The following ZNF280D variants were observed in gnomAD, a reference collection of about 807,000 sequenced individuals.
The protein encoded by ZNF280D is zinc finger protein 280D.
ZNF280D carries 39 observed loss-of-function variants against 94.7 expected under a neutral mutation model. The ratio of observed to expected loss-of-function variants is 0.41; its 90% CI spans 0.32 to 0.54. The LOEUF is 0.54. Among genes scored for constraint, ZNF280D ranks in the 20% least tolerant of loss-of-function variants. ZNF280D has a pLI of 0.22. For synonymous variants in ZNF280D, 398 were observed against 377.6 expected (o/e 1.05, Z -0.63); for missense variants, 1,090 against 1,149.3 (o/e 0.95, Z 0.75).
intron 20 of ZNF280D, among the ~76,000 whole-genome samples, chr15:56,638,419 G>C (rs568203205): frequency 1.3e-5 from 2 of 152,284 alleles, no homozygotes; most frequent in African/African-American, 4.8e-5. Context: ...AGTGCAACAA[G>C]CAAGAAAACT....
intron 11 of ZNF280D, among the ~76,000 whole-genome samples, chr15:56,678,007 C>CTTTTTTT (rs1198357496): frequency 7.3e-6 from 1 of 137,198 alleles, no homozygotes; most frequent in African/African-American, 2.7e-5. Flanking sequence ...AATTTTCTTT[C>CTTTTTTT]TTTTTTTTTT....
intron 20 of ZNF280D, among the ~76,000 whole-genome samples, chr15:56,639,736 G>C (rs2052532793): frequency 6.6e-6 from 1 of 152,086 alleles, no homozygotes; most frequent in Non-Finnish European, 1.5e-5. Flanking sequence ...ACTGAAAAAA[G>C]ATGCACACCT....
At chr15:56,708,097 T>C (rs1479736775) in intron 1 of ZNF280D, among the ~76,000 whole-genome samples, 3 of 152,038 alleles carry the variant, frequency 2.0e-5, no homozygotes, top group Admixed American at 2.0e-4. Context: ...ACAATGGAAA[T>C]CTAAAACACT....
chr15:56,731,287 G>C (rs1221544361), intron 1 of ZNF280D, among the ~76,000 whole-genome samples: 1 of 152,032 alleles, frequency 6.6e-6, no homozygotes, highest in African/African-American at 2.4e-5. Context: ...TGGATCACTT[G>C]AACCCAGGAG....
chr15:56,666,185 G>A (rs1208670418), intron 16 of ZNF280D, among the ~76,000 whole-genome samples: 2 of 152,072 alleles, frequency 1.3e-5, no homozygotes, highest in African/African-American at 4.8e-5. Flanking sequence ...AATTTCATTA[G>A]CTTAATTTTT....
intron 1 of ZNF280D, among the ~76,000 whole-genome samples, chr15:56,721,798 C>T (rs1406863600): frequency 7.2e-5 from 11 of 152,180 alleles, no homozygotes; most frequent in Admixed American, 6.5e-4. Context: ...AGCGATAATG[C>T]TGTTCCACTT....
intron 1 of ZNF280D, among the ~76,000 whole-genome samples, chr15:56,710,692 G>A (rs1393988953): frequency 6.6e-6 from 1 of 151,832 alleles, no homozygotes; most frequent in African/African-American, 2.4e-5. Context: ...GGAAATGTGG[G>A]TCTAAGTGTT....
chr15:56,707,357 T>C, intron 1 of ZNF280D, 51 bp from the exon 2 acceptor site: 1 of 1,439,026 alleles, frequency 6.9e-7, no homozygotes, highest in South Asian at 1.2e-5. Flanking sequence ...AAATTAGATG[T>C]ATACATATTT....
intron 9 of ZNF280D, among the ~76,000 whole-genome samples, chr15:56,685,793 C>A (rs967847123): frequency 6.6e-6 from 1 of 152,020 alleles, no homozygotes; most frequent in Non-Finnish European, 1.5e-5. Context: ...ATAAAGCAAC[C>A]ACATTGTGAA....
intron 20 of ZNF280D, among the ~76,000 whole-genome samples, 157 bp downstream of exon 20, chr15:56,642,795 T>C (rs913791632): frequency 6.6e-6 from 1 of 151,744 alleles, no homozygotes; most frequent in Non-Finnish European, 1.5e-5. Context: ...TATTTTTATA[T>C]GTAATGAAAA....
At chr15:56,695,936 A>G (rs558947297) in intron 6 of ZNF280D, among the ~76,000 whole-genome samples, 1 of 152,332 alleles carries the variant, frequency 6.6e-6, no homozygotes, top group African/African-American at 2.4e-5. Context: ...CACTTTTCTA[A>G]ACTCTGTCCC....
intron 10 of ZNF280D, among the ~76,000 whole-genome samples, chr15:56,679,841 C>T (rs771621079): frequency 6.6e-6 from 1 of 152,180 alleles, no homozygotes; most frequent in Non-Finnish European, 1.5e-5. Flanking sequence ...GGCTATGGTA[C>T]ACCTTGAAAT....
intron 19 of ZNF280D, among the ~76,000 whole-genome samples, chr15:56,646,411 T>A (rs1454054364): frequency 2.0e-5 from 3 of 152,004 alleles, no homozygotes; most frequent in Non-Finnish European, 4.4e-5. Context: ...CCCTCTGGCT[T>A]GAGCAAAACA....
intron 16 of ZNF280D, among the ~76,000 whole-genome samples, chr15:56,663,005 G>T (rs1006256021): frequency 6.6e-6 from 1 of 151,672 alleles, no homozygotes; most frequent in African/African-American, 2.4e-5. Flanking sequence ...ATGGGGCCAG[G>T]TGCAGAGGGG....
intron 6 of ZNF280D, among the ~76,000 whole-genome samples, chr15:56,695,545 T>TTC (rs1244465545): frequency 4.0e-5 from 6 of 151,024 alleles, no homozygotes; most frequent in Non-Finnish European, 5.9e-5. Flanking sequence ...TTTTTTTTTT[T>TTC]TTTGAGACGG....
At chr15:56,703,832 G>A (rs556794241) in intron 4 of ZNF280D, among the ~76,000 whole-genome samples, 4 of 151,132 alleles carry the variant, frequency 2.6e-5, no homozygotes, top group African/African-American at 4.9e-5. Context: ...CCAGACTAGC[G>A]ACAGAGTGAG....
chr15:56,685,963 A>C (rs1275950469), intron 9 of ZNF280D, among the ~76,000 whole-genome samples: 1 of 152,220 alleles, frequency 6.6e-6, no homozygotes, highest in African/African-American at 2.4e-5. Flanking sequence ...CACCTAAAAC[A>C]AAGTAATTCA....
intron 13 of ZNF280D, 88 bp from the exon 14 acceptor site, chr15:56,669,045 A>G: frequency 8.1e-7 from 1 of 1,228,764 alleles, no homozygotes. Context: ...AATTTTAATG[A>G]TACCTAAATA....
At chr15:56,700,245 T>C (rs960384854) in intron 6 of ZNF280D, 6 of 881,324 alleles carry the variant, frequency 6.8e-6, no homozygotes, top group African/African-American at 5.4e-5. Context: ...TTAGGCTGGA[T>C]TGAAATCCCA....
Sources: allele counts gnomAD v4.1 joint callset (sites outside exome capture counted in the v4.1 genomes callset), GRCh38; gene constraint gnomAD v4.1.1; transcripts MANE v1.5; gene names NCBI Gene and HGNC (gene_info 2026-07-23, HGNC 2026-07-21).